The following DLX1 variants were observed in gnomAD, a reference collection of about 807,000 sequenced individuals.
DLX1 encodes the protein distal-less homeobox 1.
DLX1 carries 7 observed loss-of-function variants against 25.0 expected under a neutral mutation model. The observed-to-expected ratio is 0.28, with a 90% CI of 0.16 to 0.52. The LOEUF (loss-of-function observed/expected upper bound fraction) is 0.52, where lower values mean the gene tolerates loss of function less well. Among genes scored for constraint, DLX1 ranks in the 20% least tolerant of loss-of-function variants. The pLI is 0.96. For missense variants in DLX1, 233 were observed against 334.4 expected (o/e 0.70, Z 2.37); for synonymous variants, 155 against 140.3 (o/e 1.10, Z -0.74).
chr2:172,086,177 A>T (rs1388322985), intron 1 of DLX1, 187 bp downstream of exon 1: 4 of 618,642 alleles, frequency 6.5e-6, no homozygotes, highest in Non-Finnish European at 1.1e-5. Context: ...TTGTCACAGC[A>T]AATAAATTTT....
Sources: gnomAD v4.1 joint callset for allele counts on GRCh38, gnomAD v4.1.1 for gene constraint, MANE v1.5 for transcripts, NCBI Gene and HGNC (gene_info 2026-07-23, HGNC 2026-07-21) for gene names.